Variants in CDC42BPA observed in about 807,000 individuals in gnomAD.
CDC42BPA encodes serine/threonine-protein kinase MRCK alpha.
Under a neutral mutation model 223.5 loss-of-function variants are expected in CDC42BPA, and 80 were observed. That is an observed-to-expected ratio of 0.36 (90% CI 0.30 to 0.43). The LOEUF (loss-of-function observed/expected upper bound fraction) is 0.43, where lower values mean the gene tolerates loss of function less well. Among genes scored for constraint, CDC42BPA ranks in the 20% least tolerant of loss-of-function variants. The pLI is 1.00. For synonymous variants in CDC42BPA, 694 were observed against 718.6 expected, an observed-to-expected ratio of 0.97 and a Z score of 0.55; for missense variants, 1,743 against 2,099.9, an observed-to-expected ratio of 0.83 and a Z score of 3.32.
intron 2 of CDC42BPA, among the ~76,000 whole-genome samples, chr1:227,227,015 T>C (rs1010826450): frequency 2.0e-5 from 3 of 151,998 alleles, no homozygotes; most frequent in Non-Finnish European, 2.9e-5. Flanking sequence ...AGAGAGCTAA[T>C]AGGGAAACTC....
chr1:227,133,973 G>GAATGAATAAATAAATA (rs370174201), intron 10 of CDC42BPA, among the ~76,000 whole-genome samples: 9 of 146,378 alleles, frequency 6.1e-5, no homozygotes, highest in South Asian at 2.2e-4. Context: ...AAAAATAAAT[G>GAATGAATAAATAAATA]AATAAATAAA....
chr1:227,318,321 G>C lies in CDC42BPA; in HGVS notation c.-1139C>G, dbSNP rs1694718147. 6.5e-6 allele frequency: 1 copy of C among 152,784 alleles called. No individual in the cohort carries two copies. 9.5% of individuals were successfully genotyped at this position (152,784 alleles called of 1,614,324 possible). A position where few individuals can be genotyped will look rare whatever the true frequency, so the allele number is the denominator to read the frequency against. ...GCGCAGGAGGAGGGGTCGCTTCCGCGGCTGAGGAGACTAGAGGCTGCGGCA... is the reference window on the plus strand; with the variant it reads ...GCGCAGGAGGAGGGGTCGCTTCCGCCGCTGAGGAGACTAGAGGCTGCGGCA... On this transcript the variant is annotated 5_prime_UTR_variant, in exon 1 of 37. Transcript: ENST00000366766.
chr1:227,261,478 T>TA (rs1684059943), intron 1 of CDC42BPA, among the ~76,000 whole-genome samples: 1 of 150,466 alleles, frequency 6.6e-6, no homozygotes, highest in African/African-American at 2.5e-5. Flanking sequence ...GACAACACAG[T>TA]AAGCAGTAAC....
Position 227,106,430 on chromosome 1 carries a change from TTAAG to T in CDC42BPA, c.2002-5195_2002-5192del, listed in dbSNP as rs141808109. ...ATAATGTCCTTTGATACCATACACATTAAGTTTTAATTTTGATAAAGCCCAATTT... is the reference window on the plus strand; with the variant it reads ...ATAATGTCCTTTGATACCATACACATTTTTAATTTTGATAAAGCCCAATTT... On this transcript the variant is annotated intron_variant, in intron 14 of 36. Coordinates refer to ENST00000366766, the MANE Select transcript of CDC42BPA (RefSeq NM_001394014.1). Among the ~76,000 whole-genome samples the T allele has an allele frequency of 8.5e-4, 130 of 152,330 alleles. 3 individuals are homozygous for T. The East Asian group carries it at 0.024, about 28-fold the overall frequency.
At chr1:227,299,124 T>C (rs1158836723) in intron 1 of CDC42BPA, among the ~76,000 whole-genome samples, 1 of 152,206 alleles carries the variant, frequency 6.6e-6, no homozygotes, top group Non-Finnish European at 1.5e-5. Flanking sequence ...CAGACTCAAA[T>C]ACAGTTTGAG....
At chr1:227,312,600 C>A (rs116820209) in intron 1 of CDC42BPA, among the ~76,000 whole-genome samples, 5,984 of 152,144 alleles carry the variant, frequency 0.039, 190 homozygotes, top group Non-Finnish European at 0.064. Context: ...TGCCTGTAAT[C>A]CCAGCTCTTT....
intron 1 of CDC42BPA, among the ~76,000 whole-genome samples, chr1:227,272,922 T>C (rs935968906): frequency 3.9e-5 from 6 of 152,224 alleles, no homozygotes; most frequent in Non-Finnish European, 8.8e-5. Flanking sequence ...AATTCTCCAT[T>C]TCTTTGCAGA....
At chr1:227,267,138 A>G in intron 1 of CDC42BPA, among the ~76,000 whole-genome samples, 1 of 152,236 alleles carries the variant, frequency 6.6e-6, no homozygotes, top group Non-Finnish European at 1.5e-5. Flanking sequence ...GAAAATGCTT[A>G]ATTTATGCAT....
At chr1:227,091,827 C>T in intron 16 of CDC42BPA, 59 bp downstream of exon 16, 1 of 850,632 alleles carries the variant, frequency 1.2e-6, no homozygotes, top group Non-Finnish European at 1.8e-6. Context: ...CCCACAATTC[C>T]TATCAGTGTT....
chr1:227,187,690 A>C (rs12129248), intron 5 of CDC42BPA, among the ~76,000 whole-genome samples: 15,841 of 83,740 alleles, frequency 0.19, 2,008 homozygotes, highest in East Asian at 0.28. Flanking sequence ...CCCCCCCCCC[A>C]AAAAAAAAAA....
chr1:227,246,574 T>A (rs1681009973), intron 2 of CDC42BPA, among the ~76,000 whole-genome samples: 3 of 149,740 alleles, frequency 2.0e-5, no homozygotes, highest in African/African-American at 2.5e-5. Context: ...AGAATAAGAG[T>A]TTTTGCCTGG....
intron 15 of CDC42BPA, 52 bp downstream of exon 15, chr1:227,100,940 A>T: frequency 8.7e-7 from 1 of 1,154,672 alleles, no homozygotes; most frequent in Non-Finnish European, 1.2e-6. Context: ...TACTTGACAC[A>T]TAACAGGTAC....
At position 226,990,665 on chromosome 1, in the gene CDC42BPA, G is replaced by A. The variant is rs925547997; in HGVS notation, c.*3603C>T. ...CAAAGGCGGCAAATGGCCCTGCTGC[G>A]TCTGTGGTTTTGACCTCTGCTCACC... On this transcript the variant is annotated 3_prime_UTR_variant, in exon 37 of 37. Coordinates refer to ENST00000366766, the MANE Select transcript of CDC42BPA (RefSeq NM_001394014.1). 3.9e-5 allele frequency: 6 copies of A among 152,682 alleles called. No individual in the cohort carries two copies. Among genetic ancestry groups the A allele is most frequent in the Non-Finnish European group, 4.4e-5 (3 of 68,094 alleles). The allele number at this position is 152,682 out of a possible 1,614,324, so 9.5% of individuals were successfully genotyped here.
At chr1:227,098,175 G>A (rs1484880475) in intron 15 of CDC42BPA, among the ~76,000 whole-genome samples, 1 of 152,120 alleles carries the variant, frequency 6.6e-6, no homozygotes, top group African/African-American at 2.4e-5. Flanking sequence ...TTATTATGCT[G>A]TCATTCTCAC....
chr1:227,049,590 G>C (rs1572484442), intron 22 of CDC42BPA, among the ~76,000 whole-genome samples: 1 of 152,178 alleles, frequency 6.6e-6, no homozygotes, highest in South Asian at 2.1e-4. Flanking sequence ...AAAAGGTCAA[G>C]AAGAAAAGGA....
intron 34 of CDC42BPA, among the ~76,000 whole-genome samples, chr1:227,011,683 A>G (rs572104113): frequency 6.6e-6 from 1 of 152,340 alleles, no homozygotes; most frequent in African/African-American, 2.4e-5. Context: ...TCTTCCCTTC[A>G]ATGTTCAGGT....
chr1:227,100,538 A>C (rs1156317045), intron 15 of CDC42BPA, among the ~76,000 whole-genome samples: 2 of 151,476 alleles, frequency 1.3e-5, no homozygotes, highest in Non-Finnish European at 2.9e-5. Flanking sequence ...CTCCCTGGAC[A>C]CTCCTCCCTA....
chr1:227,046,350 A>C (rs1672446748), intron 23 of CDC42BPA, among the ~76,000 whole-genome samples: 1 of 151,984 alleles, frequency 6.6e-6, no homozygotes, highest in Admixed American at 6.6e-5. Flanking sequence ...TATCCTCTCC[A>C]AGCAGAGTGG....
At chr1:227,016,008 T>G (rs1572259757) in intron 34 of CDC42BPA, 72 bp downstream of exon 34, 1 of 760,184 alleles carries the variant, frequency 1.3e-6, no homozygotes, top group East Asian at 2.5e-5. Flanking sequence ...AGTCTACCCA[T>G]GTATTTAAGC....
Sources: allele counts gnomAD v4.1 joint callset (sites outside exome capture counted in the v4.1 genomes callset), GRCh38; gene constraint gnomAD v4.1.1; transcripts MANE v1.5; gene names NCBI Gene and HGNC (gene_info 2026-07-23, HGNC 2026-07-21).